The following NUDT7 variants were observed in gnomAD, a reference collection of about 807,000 sequenced individuals.
The protein encoded by NUDT7 is peroxisomal coenzyme A diphosphatase NUDT7.
NUDT7 carries 19 observed loss-of-function variants against 13.1 expected under a neutral mutation model. That is an observed-to-expected ratio of 1.45 (90% CI 1.01 to 2.13). NUDT7 has a LOEUF of 2.13. Among genes scored for constraint, NUDT7 ranks in the 30% most tolerant of loss-of-function variants. The probability of loss-of-function intolerance (pLI) is 0.00; values close to 1 mark genes in which losing one functional copy is unlikely to be tolerated. For missense variants in NUDT7, 360 were observed against 291.7 expected, an observed-to-expected ratio of 1.23 and a Z score of -1.71; for synonymous variants, 132 against 109.7, an observed-to-expected ratio of 1.20 and a Z score of -1.27.
chr16:77,731,849 G>T (rs758448962), intron 2 of NUDT7, among the ~76,000 whole-genome samples: 2 of 148,614 alleles, frequency 1.3e-5, no homozygotes, highest in African/African-American at 2.5e-5. Flanking sequence ...AGTTTAAAAA[G>T]AAAAAAAAAT....
chr16:77,727,345 A>G (rs2014168880), intron 2 of NUDT7, among the ~76,000 whole-genome samples: 1 of 152,196 alleles, frequency 6.6e-6, no homozygotes, highest in Admixed American at 6.5e-5. Context: ...TTTTGTTTAA[A>G]AAAAAAATGC....
chr16:77,737,026 G>A (rs1287243906), intron 3 of NUDT7, among the ~76,000 whole-genome samples: 1 of 150,514 alleles, frequency 6.6e-6, no homozygotes, highest in Non-Finnish European at 1.5e-5. Flanking sequence ...TAGACCATAG[G>A]AAACTAGACC....
intron 2 of NUDT7, among the ~76,000 whole-genome samples, chr16:77,729,908 A>G (rs912562266): frequency 2.7e-5 from 4 of 148,190 alleles, no homozygotes; most frequent in African/African-American, 1.1e-4. Context: ...TTTGAAGTAT[A>G]TATTCACTAT....
intron 2 of NUDT7, among the ~76,000 whole-genome samples, chr16:77,726,401 C>T (rs1352836778): frequency 6.6e-6 from 1 of 152,140 alleles, no homozygotes; most frequent in Non-Finnish European, 1.5e-5. Context: ...TCAGACATGA[C>T]CTGAAGTTTT....
At chr16:77,736,220 G>C (rs1196639225) in intron 3 of NUDT7, 1 of 459,138 alleles carries the variant, frequency 2.2e-6, no homozygotes, top group Admixed American at 3.4e-5. Context: ...ACTCCCATCA[G>C]TGGATTTCAA....
chr16:77,741,590 A>C lies in NUDT7; in HGVS notation c.357A>C (p.Thr119=). The C allele has an allele frequency of 6.2e-7, 1 of 1,605,128 alleles. No individual in the cohort carries two copies. The highest frequency in any genetic ancestry group is 8.5e-7 in the Non-Finnish European group (1 of 1,177,296). ...TTGTTTTCTGCTTTTAGACAGATAC[A>C]TTGATAACTCCATTTGTGGGTTTAA... is the stretch of plus-strand genomic sequence containing the variant. ...CLVPCLIDTD[T]LITPFVGLID... The change falls in exon 4 of 4, where the codon ACA becomes ACC. Residue 119 remains threonine (T), a synonymous_variant. Coordinates refer to ENST00000268533, the MANE Select transcript of NUDT7 (RefSeq NM_001105663.3).
At chr16:77,736,224 A>G (rs1414213897) in intron 3 of NUDT7, 1 of 452,450 alleles carries the variant, frequency 2.2e-6, no homozygotes, top group African/African-American at 1.9e-5. Context: ...CCATCAGTGG[A>G]TTTCAAACTG....
Position 77,741,801 on chromosome 16 carries a change from G to A in NUDT7, c.568G>A (p.Gly190Arg). 1 of 1,614,064 alleles carries A rather than the reference G, an allele frequency of 6.2e-7. No homozygotes were observed. The highest frequency in any genetic ancestry group is 8.5e-7 in the Non-Finnish European group (1 of 1,180,014). ...AGACGGTGTCACTTACCAGATCAAG[G>A]GAATGACGGCAAACCTTGCAGTGTT... Reference protein sequence around the residue: ...PEDGVTYQIKGMTANLAVLVA... With the variant: ...PEDGVTYQIKRMTANLAVLVA... The change falls in exon 4 of 4, where the codon GGA (glycine) becomes AGA (arginine). Residue 190 changes from glycine (G) to arginine (R), a missense_variant. By Grantham distance (125) the Gly-to-Arg change is moderately radical. Transcript: ENST00000268533.
rs1471694785 is a variant in NUDT7, at chr16:77,726,371, C to T, written c.189+787C>T. 3.3e-5 allele frequency among the ~76,000 whole-genome samples: 5 copies of T among 152,298 alleles called. No homozygotes were observed. The South Asian group carries it at 8.3e-4, about 25-fold the overall frequency. On this transcript the variant is annotated intron_variant, in intron 2 of 3. Coordinates refer to ENST00000268533, the MANE Select transcript of NUDT7 (RefSeq NM_001105663.3). ...GAATTCAGTAAGTTTTAGCTGTCAT[C>T]GTTAGTGTCAAGTGACCTGTCAGAC...
intron 3 of NUDT7, among the ~76,000 whole-genome samples, chr16:77,739,613 G>A (rs2014595859): frequency 6.6e-6 from 1 of 152,106 alleles, no homozygotes; most frequent in South Asian, 2.1e-4. Flanking sequence ...CTCATCTGGT[G>A]ACTAAGCATG....
At position 77,722,554 on chromosome 16, in the gene NUDT7, C is replaced by T; in HGVS notation, c.-29C>T. On this transcript the variant is annotated 5_prime_UTR_variant, in exon 1 of 4. Coordinates refer to ENST00000268533, the MANE Select transcript of NUDT7 (RefSeq NM_001105663.3). The stretch of plus-strand genomic sequence containing the variant: ...GACCGACCGAGCAGCTCCGAGGAGT[C>T]CGCCCGGAAACAAACATTCCCCAGG... The T allele has an allele frequency of 6.4e-7, 1 of 1,572,074 alleles. No homozygotes were observed. The highest frequency in any genetic ancestry group is 1.2e-5 in the South Asian group (1 of 85,932).
chr16:77,734,163 TTG>T (rs1279586051), intron 2 of NUDT7, among the ~76,000 whole-genome samples: 1 of 152,182 alleles, frequency 6.6e-6, no homozygotes, highest in African/African-American at 2.4e-5. Flanking sequence ...CCTATATTTT[TTG>T]TGTCTTACTA....
intron 1 of NUDT7, among the ~76,000 whole-genome samples, chr16:77,723,515 T>A (rs780804782): frequency 6.6e-6 from 1 of 152,032 alleles, no homozygotes; most frequent in Non-Finnish European, 1.5e-5. Flanking sequence ...GTATATGAAC[T>A]GCATCATTTA....
Position 77,741,899 on chromosome 16 carries a change from C to T in NUDT7, c.666C>T (p.Ser222=). ...VQFNLNDVLA[S]SEELFLKVHK... ...TTAATCTTAATGATGTATTAGCATC[C>T]TCTGAAGAGTTATTCCTGAAGGTTC... Residue 222 remains serine (S), a synonymous_variant, in exon 4 of 4, where the codon TCC becomes TCT. Transcript: ENST00000268533. 6.2e-7 allele frequency: 1 copy of T among 1,612,746 alleles called. No homozygotes were observed.
intron 3 of NUDT7, 23 bp from the exon 4 acceptor site, chr16:77,741,559 T>C: frequency 1.3e-6 from 2 of 1,561,948 alleles, no homozygotes; most frequent in Non-Finnish European, 1.7e-6. Flanking sequence ...TCTTAATTTG[T>C]CTGTTTTGTT....
chr16:77,730,276 A>T (rs532251373), intron 2 of NUDT7, among the ~76,000 whole-genome samples: 1 of 151,546 alleles, frequency 6.6e-6, no homozygotes, highest in Admixed American at 6.6e-5. Flanking sequence ...CATCTCCCCA[A>T]CCTCCCCCCA....
At chr16:77,740,570 G>T (rs1016859131) in intron 3 of NUDT7, among the ~76,000 whole-genome samples, 1 of 151,962 alleles carries the variant, frequency 6.6e-6, no homozygotes. Context: ...TTGAGACTGG[G>T]CCTCTCTCTG....
Position 77,735,947 on chromosome 16 carries a change from A to T in NUDT7, c.309A>T (p.Gln103His), listed in dbSNP as rs2014469402. 1 of 1,613,976 alleles carries T rather than the reference A, an allele frequency of 6.2e-7. No individual in the cohort carries two copies. The highest frequency in any genetic ancestry group is 1.3e-5 in the African/African-American group (1 of 74,888). Residue 103 changes from glutamine (Q) to histidine (H), a missense_variant, in exon 3 of 4, where the codon CAA (glutamine) becomes CAT (histidine). Transcript: ENST00000268533. ...AGGAAGTGGGTCTCCGTCCTCACCA[A>T]GTGGAAGTTGTCTGCTGCCTGGTGC... ...AQEEVGLRPH[Q>H]VEVVCCLVPC...
chr16:77,735,366 C>A, intron 2 of NUDT7: 1 of 538,188 alleles, frequency 1.9e-6, no homozygotes, highest in Non-Finnish European at 3.3e-6. Context: ...GTAGCACCTC[C>A]CCTCCCTCTC....
Sources: allele counts gnomAD v4.1 joint callset (sites outside exome capture counted in the v4.1 genomes callset), GRCh38; gene constraint gnomAD v4.1.1; transcripts MANE v1.5; gene names NCBI Gene and HGNC (gene_info 2026-07-23, HGNC 2026-07-21).